MGRN1: variants seen among roughly 807,000 people sequenced by gnomAD.
MGRN1 encodes E3 ubiquitin-protein ligase MGRN1.
Under a neutral mutation model 69.2 loss-of-function variants are expected in MGRN1, and 29 were observed. The observed-to-expected ratio is 0.42, with a 90% CI of 0.31 to 0.57. MGRN1 has a LOEUF of 0.57. Ranked by LOEUF, MGRN1 falls within the 20% of genes least tolerant of loss-of-function variation. The pLI is 0.15. For synonymous variants in MGRN1, 470 were observed against 344.2 expected (o/e 1.37, Z -4.04); for missense variants, 998 against 796.2 (o/e 1.25, Z -3.05).
rs182984366 is a variant in MGRN1 at position 4,685,552 on chromosome 16, T to C, written c.1618+1620T>C. Among the ~76,000 whole-genome samples, 52 of 152,382 alleles carry C rather than the reference T, an allele frequency of 3.4e-4. 1 individual carries two copies. In the East Asian group the frequency reaches 0.01, roughly 29 times the overall value. ...CCTGGGCCCCGCTCTTGGAGTTGGC[T>C]GCTGCTGAATGCCAGCAGGTCAGCC... On this transcript the variant is annotated intron_variant, in intron 16 of 16. Coordinates refer to ENST00000262370, the MANE Select transcript of MGRN1 (RefSeq NM_015246.4).
intron 1 of MGRN1, among the ~76,000 whole-genome samples, chr16:4,648,402 G>C (rs112150162): frequency 2.1e-3 from 151 of 72,370 alleles, no homozygotes; most frequent in South Asian, 3.5e-3. Flanking sequence ...GGTCACCCGG[G>C]TCCTCCTCCC....
intron 16 of MGRN1, chr16:4,686,408 C>G (rs940759566): frequency 2.0e-6 from 3 of 1,472,182 alleles, no homozygotes; most frequent in African/African-American, 2.8e-5. Context: ...TTTGGGTCTT[C>G]GTCCGCATCC....
intron 9 of MGRN1, chr16:4,672,474 C>T (rs549894877): frequency 3.9e-5 from 18 of 456,712 alleles, no homozygotes; most frequent in South Asian, 1.9e-4. Flanking sequence ...CTCCACGTGG[C>T]GGGAGCGGAG....
chr16:4,667,429 A>T (rs2078830364), intron 7 of MGRN1, among the ~76,000 whole-genome samples: 1 of 152,176 alleles, frequency 6.6e-6, no homozygotes, highest in South Asian at 2.1e-4. Context: ...TGGGCTCCCC[A>T]GCTGCTCTCC....
rs144742335 is a variant in MGRN1 at position 4,688,330 on chromosome 16, A to G, written c.1619-466A>G. 9.4e-4 allele frequency: 934 copies of G among 988,766 alleles called. 10 individuals are homozygous for G. The African/African-American group carries it at 0.015, about 16-fold the overall frequency. 61.2% of individuals were successfully genotyped at this position (988,766 alleles called of 1,614,324 possible). On this transcript the variant is annotated intron_variant, in intron 16 of 16. Coordinates refer to ENST00000262370, the MANE Select transcript of MGRN1 (RefSeq NM_015246.4). Reference sequence around the variant, plus strand: ...TGGGAGGCTCCTCTCTTTGCCTTGCAGTAGCCATCCGGGGGCTACTCTGAG... The same window carrying G: ...TGGGAGGCTCCTCTCTTTGCCTTGCGGTAGCCATCCGGGGGCTACTCTGAG...
chr16:4,652,076 C>T (rs553089389), intron 3 of MGRN1, 25 bp downstream of exon 3: 2 of 1,608,838 alleles, frequency 1.2e-6, no homozygotes, highest in Admixed American at 1.7e-5. Context: ...CCCCTGGGGA[C>T]CCTGTGGCTC....
chr16:4,650,335 A>T (rs77006773), intron 1 of MGRN1, 30 bp from the exon 2 acceptor site: 4 of 1,503,580 alleles, frequency 2.7e-6, no homozygotes, highest in Admixed American at 2.0e-5. Flanking sequence ...AAAAAAAAAA[A>T]TCTATAATCG....
At chr16:4,651,151 G>A (rs1202385775) in intron 2 of MGRN1, 1 of 152,190 alleles carries the variant, frequency 6.6e-6, no homozygotes, top group East Asian at 1.9e-4. Context: ...TAGAACAGTG[G>A]GCAAGAGACA....
Position 4,682,882 on chromosome 16 carries a change from A to G in MGRN1, c.1418A>G (p.Asp473Gly). ...HEEDEEKLSE[D>G]VDAPPPLGGA... ...GAGGATGAGGAGAAGCTCTCCGAGGACGTGGACGCCCCTCCCCCACTGGGT... is the reference window on the plus strand; with the variant it reads ...GAGGATGAGGAGAAGCTCTCCGAGGGCGTGGACGCCCCTCCCCCACTGGGT... Residue 473 changes from aspartate to glycine, a missense_variant, in exon 14 of 17, where the codon GAC (aspartate) becomes GGC (glycine). Asp to Gly is a moderately conservative substitution (Grantham distance 94). Transcript: ENST00000262370. 1 of 1,609,644 alleles carries G rather than the reference A, an allele frequency of 6.2e-7. No individual in the cohort carries two copies. Among genetic ancestry groups the G allele is most frequent in the Non-Finnish European group, 8.5e-7 (1 of 1,176,972 alleles).
chr16:4,665,525 C>T (rs377117391), intron 7 of MGRN1, among the ~76,000 whole-genome samples: 6 of 151,734 alleles, frequency 4.0e-5, no homozygotes, highest in East Asian at 3.9e-4. Flanking sequence ...TGCACTACCA[C>T]GCCTGGCTAA....
At chr16:4,679,241 T>A (rs1480520335) in intron 11 of MGRN1, among the ~76,000 whole-genome samples, 1 of 152,200 alleles carries the variant, frequency 6.6e-6, no homozygotes, top group Non-Finnish European at 1.5e-5. Context: ...TGGCTAGGTT[T>A]ATTGTCCCTT....
At chr16:4,680,300 G>A (rs2079151451) in intron 12 of MGRN1, 5 of 554,650 alleles carry the variant, frequency 9.0e-6, no homozygotes, top group East Asian at 3.2e-5. Flanking sequence ...CGCCAGGTGC[G>A]CTGGCCCCGC....
chr16:4,664,612 G>C, intron 5 of MGRN1, 97 bp from the exon 6 acceptor site: 1 of 1,291,594 alleles, frequency 7.7e-7, no homozygotes, highest in Non-Finnish European at 1.1e-6. Context: ...GCTGCCTCCT[G>C]CTCCTGCCTG....
intron 16 of MGRN1, chr16:4,688,032 G>C: frequency 1.0e-6 from 1 of 985,558 alleles, no homozygotes; most frequent in Non-Finnish European, 1.2e-6. Flanking sequence ...GTGCAGGTGT[G>C]ATCTAGAACA....
chr16:4,688,826 G>A lies in MGRN1; in HGVS notation c.1649G>A (p.Gly550Asp). Residue 550 changes from glycine (G) to aspartate (D), a missense_variant, in exon 17 of 17, where the codon GGC becomes GAC. Gly to Asp is a moderately conservative substitution (Grantham distance 94). Transcript: ENST00000262370. ...GRPTSMETAH[G>D]LATTSPTWPP... ...CCCACCTCCATGGAGACGGCCCACG[G>A]CCTCGCCACCACCAGCCCCACCTGG... The A allele has an allele frequency of 6.4e-7, 1 of 1,553,316 alleles. No individual in the cohort carries two copies. The highest frequency in any genetic ancestry group is 8.7e-7 in the Non-Finnish European group (1 of 1,148,162).
Position 4,664,696 on chromosome 16 carries a change from ACT to A in MGRN1, c.562-7_562-6del. The stretch of plus-strand genomic sequence containing the variant: ...GTGTGGGTCCTGACCATTCTTGGCA[ACT>A]CTCTCCTCAGCTGAACTTTGACCTG... On this transcript the variant is annotated splice_polypyrimidine_tract_variant and intron_variant, in intron 5 of 16. Transcript: ENST00000262370. 6.2e-7 allele frequency: 1 copy of A among 1,613,806 alleles called. No individual in the cohort carries two copies. Among genetic ancestry groups the A allele is most frequent in the Non-Finnish European group, 8.5e-7 (1 of 1,179,942 alleles).
chr16:4,632,314 A>G (rs924026470), intron 1 of MGRN1, among the ~76,000 whole-genome samples: 1 of 151,520 alleles, frequency 6.6e-6, no homozygotes, highest in Non-Finnish European at 1.5e-5. Context: ...GCGCCCGGCT[A>G]TTCTTAATAA....
Position 4,681,662 on chromosome 16 carries a change from C to T in MGRN1, c.1244C>T (p.Thr415Ile), listed in dbSNP as rs778141817. The change falls in exon 13 of 17, where the codon ACC becomes ATC. Residue 415 changes from threonine (T) to isoleucine (I), a missense_variant. Physicochemically the swap from Thr to Ile is moderately conservative, Grantham distance 89. Transcript: ENST00000262370. ...TCGGCCCCTCTTTATGAAGAAATCA[C>T]CTATTCAGGCATCTCGGACGGCCTG... Reference protein sequence around the residue: ...IPSAPLYEEITYSGISDGLSQ... With the variant: ...IPSAPLYEEIIYSGISDGLSQ... The T allele has an allele frequency of 1.7e-5, 28 of 1,613,386 alleles. No individual in the cohort carries two copies. The Admixed American group carries it at 4.5e-4, about 26-fold the overall frequency.
At chr16:4,627,568 A>G (rs1567162075) in intron 1 of MGRN1, among the ~76,000 whole-genome samples, 1 of 152,134 alleles carries the variant, frequency 6.6e-6, no homozygotes, top group East Asian at 1.9e-4. Context: ...CGGGCGGATC[A>G]CAAGGTCAGG....
Sources: allele counts gnomAD v4.1 joint callset (sites outside exome capture counted in the v4.1 genomes callset), GRCh38; gene constraint gnomAD v4.1.1; transcripts MANE v1.5; gene names NCBI Gene and HGNC (gene_info 2026-07-23, HGNC 2026-07-21).